ARL6IP6: variants seen among roughly 807,000 people sequenced by gnomAD.
The protein encoded by ARL6IP6 is ARF like GTPase 6 interacting protein 6.
ARL6IP6 carries 22 observed loss-of-function variants against 21.5 expected under a neutral mutation model. That is an observed-to-expected ratio of 1.02 (90% CI 0.73 to 1.46). ARL6IP6 has a LOEUF of 1.46. Among genes scored for constraint, ARL6IP6 ranks in the 40% most tolerant of loss-of-function variants. The pLI, the probability that ARL6IP6 is intolerant of heterozygous loss-of-function variation, is 0.00. For missense variants in ARL6IP6, 388 were observed against 299.8 expected, an observed-to-expected ratio of 1.29 and a Z score of -2.17; for synonymous variants, 164 against 125.3, an observed-to-expected ratio of 1.31 and a Z score of -2.06.
intron 2 of ARL6IP6, among the ~76,000 whole-genome samples, chr2:152,720,980 G>T (rs558809947): frequency 2.0e-5 from 3 of 152,266 alleles, no homozygotes; most frequent in African/African-American, 7.2e-5. Flanking sequence ...TGTAGTCCCA[G>T]CTACTTGGGA....
chr2:152,717,917 T>C (rs1178669090), upstream of ARL6IP6: 14 of 1,000,682 alleles, frequency 1.4e-5, no homozygotes, highest in East Asian at 1.1e-4. Context: ...GCGCGCGCGG[T>C]GCTCGAGGCG....
intron 2 of ARL6IP6, among the ~76,000 whole-genome samples, chr2:152,730,487 A>G (rs774153397): frequency 6.6e-6 from 1 of 152,124 alleles, no homozygotes; most frequent in Admixed American, 6.5e-5. Context: ...AATAACAGCT[A>G]TTTGGCAGTA....
intron 2 of ARL6IP6, among the ~76,000 whole-genome samples, chr2:152,724,600 G>A (rs755468933): frequency 6.2e-4 from 94 of 152,172 alleles, no homozygotes; most frequent in Non-Finnish European, 1.1e-3. Context: ...CCAGACATTA[G>A]GACCCCTAAA....
intron 2 of ARL6IP6, among the ~76,000 whole-genome samples, chr2:152,726,510 A>T (rs1264039188): frequency 6.6e-6 from 1 of 152,232 alleles, no homozygotes; most frequent in South Asian, 2.1e-4. Flanking sequence ...TTTAGAGAGG[A>T]TACCAAATTA....
intron 1 of ARL6IP6, among the ~76,000 whole-genome samples, chr2:152,719,619 T>G (rs1323420144): frequency 6.6e-6 from 1 of 152,218 alleles, no homozygotes; most frequent in African/African-American, 2.4e-5. Flanking sequence ...AGTTGAAATA[T>G]TGGCCGGTTG....
chr2:152,718,145 A>G, upstream of ARL6IP6: 1 of 826,158 alleles, frequency 1.2e-6, no homozygotes, highest in South Asian at 5.3e-5. Flanking sequence ...TAATGGGGGA[A>G]CCTGGAGAAG....
At chr2:152,750,305 C>G (rs1701265777) in intron 3 of ARL6IP6, among the ~76,000 whole-genome samples, 1 of 151,968 alleles carries the variant, frequency 6.6e-6, no homozygotes, top group Non-Finnish European at 1.5e-5. Context: ...GAAACCCCAT[C>G]TCTACTAAAA....
rs186785212 is a variant in ARL6IP6, at chr2:152,737,435, T to G, written c.587+2309T>G. On this transcript the variant is annotated intron_variant, in intron 3 of 3. Transcript: ENST00000326446. Reference sequence around the variant, plus strand: ...CATTTTGTATTAAATTAGAATCAATTTAATAAAGGGCCTCAATTTTCCATG... The same window carrying G: ...CATTTTGTATTAAATTAGAATCAATGTAATAAAGGGCCTCAATTTTCCATG... Among the ~76,000 whole-genome samples the G allele has an allele frequency of 5.4e-3, 819 of 152,306 alleles. 2 individuals are homozygous for G. The highest frequency in any genetic ancestry group is 0.019 in the African/African-American group (784 of 41,554).
chr2:152,731,401 C>G (rs1253791418), intron 2 of ARL6IP6, among the ~76,000 whole-genome samples: 3 of 152,128 alleles, frequency 2.0e-5, no homozygotes, highest in South Asian at 4.1e-4. Flanking sequence ...CTGCTTCTTG[C>G]TAAAATAAGA....
chr2:152,725,650 CAA>C (rs199555084), intron 2 of ARL6IP6, among the ~76,000 whole-genome samples: 5 of 136,732 alleles, frequency 3.7e-5, no homozygotes, highest in South Asian at 2.3e-4. Flanking sequence ...GACGCAAGTG[CAA>C]AAAAAAAAAG....
intron 3 of ARL6IP6, 146 bp from the exon 4 acceptor site, chr2:152,759,601 C>A (rs1701737186): frequency 1.5e-5 from 9 of 617,962 alleles, no homozygotes; most frequent in Non-Finnish European, 2.6e-5. Flanking sequence ...CTGCAGATGT[C>A]CAATATTCTT....
chr2:152,727,819 T>A (rs1299298263), intron 2 of ARL6IP6, among the ~76,000 whole-genome samples: 2 of 152,210 alleles, frequency 1.3e-5, no homozygotes, highest in Non-Finnish European at 2.9e-5. Flanking sequence ...GCTCTTGTGA[T>A]GTACAAACAA....
rs542920513 is a variant in ARL6IP6, at chr2:152,749,856, T to C, written c.588-9891T>C. ...TCATACCTTCTATATAGCTTATCTTTCAGGATATGGAAGTAGATCTAAAGA... is the reference window on the plus strand; with the variant it reads ...TCATACCTTCTATATAGCTTATCTTCCAGGATATGGAAGTAGATCTAAAGA... On this transcript the variant is annotated intron_variant, in intron 3 of 3. Coordinates refer to ENST00000326446, the MANE Select transcript of ARL6IP6 (RefSeq NM_152522.7). Among the ~76,000 whole-genome samples, 5 of 152,360 alleles carry C rather than the reference T, an allele frequency of 3.3e-5. No homozygotes were observed. The East Asian group carries it at 7.7e-4, about 23-fold the overall frequency.
rs955140607 is a variant in ARL6IP6, at chr2:152,761,460, C to T, written c.*1620C>T. Among the ~76,000 whole-genome samples the T allele has an allele frequency of 6.6e-5, 10 of 152,254 alleles. No homozygotes were observed. Among genetic ancestry groups the T allele is most frequent in the Middle Eastern group, 3.4e-3 (1 of 294 alleles). ...TTCTCTCCACCACTCTGTATTCCCACGCACCACCAATGTGAGTAACTCCCT... is the reference window on the plus strand; with the variant it reads ...TTCTCTCCACCACTCTGTATTCCCATGCACCACCAATGTGAGTAACTCCCT... On this transcript the variant is annotated 3_prime_UTR_variant, in exon 4 of 4. Coordinates refer to ENST00000326446, the MANE Select transcript of ARL6IP6 (RefSeq NM_152522.7).
At chr2:152,735,855 C>G (rs1032416948) in intron 3 of ARL6IP6, among the ~76,000 whole-genome samples, 2 of 152,070 alleles carry the variant, frequency 1.3e-5, no homozygotes, top group Non-Finnish European at 2.9e-5. Context: ...CCAGGTCTAG[C>G]CTACCTCATG....
chr2:152,732,078 T>A (rs567519349), intron 2 of ARL6IP6, among the ~76,000 whole-genome samples: 110 of 152,130 alleles, frequency 7.2e-4, no homozygotes, highest in African/African-American at 2.6e-3. Context: ...TATGTTATTA[T>A]GAACAAAGCT....
In ARL6IP6 at chr2:152,735,091, GT is replaced by G. The variant is rs1399095536; in HGVS notation, c.555del (p.Pro186LeufsTer13). On this transcript the variant is annotated frameshift_variant, in exon 3 of 4. Coordinates refer to ENST00000326446, the MANE Select transcript of ARL6IP6 (RefSeq NM_152522.7). LOFTEE classifies it high-confidence loss of function. ...TYFDSFEPGMFPPTPLSPARF... is the reference protein window; with the variant it reads ...TYFDSFEPGMXPPTPLSPARF... Reference sequence around the variant, plus strand: ...ACTTTGATTCTTTTGAACCAGGAATGTTTCCTCCTACTCCTCTTTCACCTGC... The same window carrying G: ...ACTTTGATTCTTTTGAACCAGGAATGTTCCTCCTACTCCTCTTTCACCTGC... The G allele has an allele frequency of 6.2e-7, 1 of 1,613,622 alleles. No homozygotes were observed. The highest frequency in any genetic ancestry group is 1.3e-5 in the African/African-American group (1 of 74,890).
intron 1 of ARL6IP6, 65 bp downstream of exon 1, chr2:152,719,089 T>G (rs1699533125): frequency 7.0e-7 from 1 of 1,429,250 alleles, no homozygotes. Context: ...GGCTCTCGTC[T>G]CCACCCATCT....
chr2:152,732,663 A>C (rs1009289940), intron 2 of ARL6IP6: 3 of 365,468 alleles, frequency 8.2e-6, no homozygotes, highest in Admixed American at 3.9e-5. Context: ...GTGTTTACCT[A>C]TATACAGTTG....
Sources: gnomAD v4.1 joint callset for allele counts (sites outside exome capture counted in the v4.1 genomes callset) on GRCh38, gnomAD v4.1.1 for gene constraint, MANE v1.5 for transcripts, NCBI Gene and HGNC (gene_info 2026-07-23, HGNC 2026-07-21) for gene names.